The following ARHGAP15 variants were observed in gnomAD, a reference collection of about 807,000 sequenced individuals.
ARHGAP15 encodes the protein rho GTPase-activating protein 15.
In ARHGAP15, 51 loss-of-function variants were observed where a neutral mutation model predicts 63.7. That is an observed-to-expected ratio of 0.80 (90% CI 0.64 to 1.01). The LOEUF is 1.01. Ranked by LOEUF, ARHGAP15 falls within the 50% of genes least tolerant of loss-of-function variation. The pLI is 0.00. For synonymous variants in ARHGAP15, 191 were observed against 193.8 expected (o/e 0.99, Z 0.12); for missense variants, 560 against 564.6 (o/e 0.99, Z 0.08).
At chr2:143,407,431 G>A (rs1688244715) in intron 6 of ARHGAP15, among the ~76,000 whole-genome samples, 1 of 151,684 alleles carries the variant, frequency 6.6e-6, no homozygotes, top group African/African-American at 2.4e-5. Flanking sequence ...GACTTTTTGG[G>A]ATCTATTTTC....
chr2:143,601,265 G>A (rs747258166), intron 11 of ARHGAP15, among the ~76,000 whole-genome samples: 7 of 151,914 alleles, frequency 4.6e-5, no homozygotes, highest in Admixed American at 1.3e-4. Context: ...GTTTTAAAAC[G>A]GCCTGTACTG....
chr2:143,262,581 T>TGTA (rs1157058724), intron 6 of ARHGAP15, among the ~76,000 whole-genome samples: 1 of 142,500 alleles, frequency 7.0e-6, no homozygotes, highest in Non-Finnish European at 1.5e-5. Flanking sequence ...CCCTGTTCAC[T>TGTA]GTAGTTGACA....
chr2:143,743,894 CATT>C (rs993843974), intron 13 of ARHGAP15, among the ~76,000 whole-genome samples: 1 of 151,348 alleles, frequency 6.6e-6, no homozygotes, highest in Non-Finnish European at 1.5e-5. Flanking sequence ...AAAAAAAAAA[CATT>C]ATTAAGAATA....
intron 8 of ARHGAP15, among the ~76,000 whole-genome samples, chr2:143,484,307 A>C (rs1055619525): frequency 6.7e-6 from 1 of 150,328 alleles, no homozygotes; most frequent in African/African-American, 2.5e-5. Context: ...CAATGGTTGC[A>C]GTGAGCCGAG....
At chr2:143,322,838 G>A (rs1272088481) in intron 6 of ARHGAP15, among the ~76,000 whole-genome samples, 1 of 152,226 alleles carries the variant, frequency 6.6e-6, no homozygotes, top group African/African-American at 2.4e-5. Context: ...GAATGGCTAA[G>A]GTGAAGGTTT....
intron 9 of ARHGAP15, among the ~76,000 whole-genome samples, chr2:143,495,402 T>A (rs898360327): frequency 5.9e-5 from 9 of 152,202 alleles, no homozygotes; most frequent in Non-Finnish European, 1.0e-4. Flanking sequence ...TGGCTTATAT[T>A]TCTCTTTTTG....
intron 6 of ARHGAP15, among the ~76,000 whole-genome samples, chr2:143,320,417 C>CCCCCCCCCCCG (rs1683965442): frequency 1.1e-5 from 1 of 94,774 alleles, no homozygotes; most frequent in African/African-American, 4.0e-5. Context: ...CACCCCCCCC[C>CCCCCCCCCCCG]CCCCCAGAGA....
At chr2:143,327,059 G>A (rs1028261825) in intron 6 of ARHGAP15, among the ~76,000 whole-genome samples, 1 of 152,150 alleles carries the variant, frequency 6.6e-6, no homozygotes, top group African/African-American at 2.4e-5. Context: ...TAAGCAACTT[G>A]AGCAAAGTCT....
chr2:143,205,255 T>TAAAAAAA (rs71301732), intron 3 of ARHGAP15, among the ~76,000 whole-genome samples: 3 of 85,448 alleles, frequency 3.5e-5, no homozygotes, highest in Admixed American at 1.2e-4. Context: ...CAGAGAGAGA[T>TAAAAAAA]AAAAAAAAAA....
chr2:143,453,088 A>G (rs1261925013), intron 8 of ARHGAP15, among the ~76,000 whole-genome samples: 1 of 151,916 alleles, frequency 6.6e-6, no homozygotes, highest in Non-Finnish European at 1.5e-5. Flanking sequence ...ATCTACTCTC[A>G]TTGAATCCTG....
At chr2:143,502,495 A>C (rs1184663294) in intron 9 of ARHGAP15, among the ~76,000 whole-genome samples, 2 of 152,218 alleles carry the variant, frequency 1.3e-5, no homozygotes, top group Admixed American at 6.5e-5. Context: ...AGCCAAAGCC[A>C]TCTGTTCCTA....
At chr2:143,762,971 C>CCTGA (rs1237418066) in intron 13 of ARHGAP15, among the ~76,000 whole-genome samples, 2 of 152,124 alleles carry the variant, frequency 1.3e-5, no homozygotes, top group East Asian at 3.8e-4. Context: ...TTGAAGTACA[C>CCTGA]CTGACTGTTT....
chr2:143,252,204 A>C (rs1680190403), intron 6 of ARHGAP15, among the ~76,000 whole-genome samples: 1 of 152,026 alleles, frequency 6.6e-6, no homozygotes, highest in African/African-American at 2.4e-5. Flanking sequence ...TGAGGATGAC[A>C]GTCAGCTATA....
chr2:143,507,590 C>T (rs557857050), intron 9 of ARHGAP15, among the ~76,000 whole-genome samples: 2 of 152,290 alleles, frequency 1.3e-5, no homozygotes, highest in South Asian at 4.1e-4. Context: ...ATTCATGCAG[C>T]TTCGAATTCC....
intron 6 of ARHGAP15, among the ~76,000 whole-genome samples, chr2:143,288,580 A>G (rs770457668): frequency 6.6e-6 from 1 of 151,662 alleles, no homozygotes. Context: ...TTCATCCACA[A>G]GAAAAATATT....
At chr2:143,654,544 A>G (rs1559105393) in intron 12 of ARHGAP15, among the ~76,000 whole-genome samples, 2 of 152,210 alleles carry the variant, frequency 1.3e-5, no homozygotes, top group Admixed American at 6.5e-5. Flanking sequence ...TTGTATAGAA[A>G]TTGTGCTAAA....
intron 11 of ARHGAP15, chr2:143,608,512 G>A (rs1387348260): frequency 6.6e-6 from 1 of 152,178 alleles, no homozygotes; most frequent in Non-Finnish European, 1.5e-5. Flanking sequence ...AATAGTTAGT[G>A]TAAGATTAAC....
At chr2:143,362,769 C>T (rs987086953) in intron 6 of ARHGAP15, among the ~76,000 whole-genome samples, 1 of 152,144 alleles carries the variant, frequency 6.6e-6, no homozygotes, top group Non-Finnish European at 1.5e-5. Context: ...TCATTCGTGA[C>T]TCCTATCTGA....
At chr2:143,706,792 G>A (rs919507389) in intron 13 of ARHGAP15, among the ~76,000 whole-genome samples, 10 of 152,244 alleles carry the variant, frequency 6.6e-5, no homozygotes, top group South Asian at 6.2e-4. Context: ...TCAAGATCCC[G>A]TCAGCCAGAA....
Sources: allele counts gnomAD v4.1 joint callset (sites outside exome capture counted in the v4.1 genomes callset), GRCh38; gene constraint gnomAD v4.1.1; transcripts MANE v1.5; gene names NCBI Gene and HGNC (gene_info 2026-07-23, HGNC 2026-07-21).